Variants in ERC1 observed in about 807,000 individuals in gnomAD.
ERC1 encodes ELKS/RAB6-interacting/CAST family member 1.
In ERC1, 56 loss-of-function variants were observed where a neutral mutation model predicts 132.0. The observed-to-expected ratio is 0.42, with a 90% confidence interval of 0.34 to 0.53. The LOEUF is 0.53. Among genes scored for constraint, ERC1 ranks in the 20% least tolerant of loss-of-function variants. The probability of loss-of-function intolerance (pLI) is 0.03; values close to 1 mark genes in which losing one functional copy is unlikely to be tolerated. For missense variants in ERC1, 1,202 were observed against 1,349.9 expected, an observed-to-expected ratio of 0.89 and a Z score of 1.72; for synonymous variants, 478 against 476.1, an observed-to-expected ratio of 1.00 and a Z score of -0.05.
intron 2 of ERC1, among the ~76,000 whole-genome samples, chr12:1,057,925 G>A (rs370717893): frequency 9.9e-5 from 15 of 152,040 alleles, no homozygotes; most frequent in Admixed American, 4.6e-4. Context: ...TTTCTCAGGT[G>A]TGTAGGATTA....
At chr12:1,156,298 G>A (rs915811227) in intron 8 of ERC1, among the ~76,000 whole-genome samples, 4 of 151,822 alleles carry the variant, frequency 2.6e-5, no homozygotes, top group African/African-American at 9.7e-5. Flanking sequence ...GAGTGCAGTG[G>A]TGCAATCTTA....
At chr12:1,241,846 T>C (rs977857934) in intron 13 of ERC1, among the ~76,000 whole-genome samples, 10 of 123,616 alleles carry the variant, frequency 8.1e-5, no homozygotes, top group Non-Finnish European at 1.6e-4. Context: ...TTCTTCTTCT[T>C]CTTTTTTTTT....
chr12:1,027,230 A>C (rs1341533238), intron 1 of ERC1, among the ~76,000 whole-genome samples: 1 of 152,178 alleles, frequency 6.6e-6, no homozygotes, highest in Non-Finnish European at 1.5e-5. Flanking sequence ...ATTGATACTT[A>C]TATATTGATA....
chr12:1,394,614 A>T (rs536265684), intron 16 of ERC1, among the ~76,000 whole-genome samples: 2 of 152,170 alleles, frequency 1.3e-5, no homozygotes, highest in South Asian at 4.1e-4. Context: ...ATAGTGAGTG[A>T]GTTCTCTTGA....
At chr12:1,471,646 A>G (rs574827959) in intron 18 of ERC1, among the ~76,000 whole-genome samples, 4 of 152,174 alleles carry the variant, frequency 2.6e-5, no homozygotes, top group Non-Finnish European at 5.9e-5. Flanking sequence ...CACTGACCCA[A>G]TTCATTTGTC....
intron 2 of ERC1, among the ~76,000 whole-genome samples, chr12:1,036,546 T>C (rs1312026122): frequency 6.6e-6 from 1 of 152,076 alleles, no homozygotes; most frequent in Admixed American, 6.6e-5. Context: ...GGCTAATTTT[T>C]TGTATTTTTA....
chr12:1,184,098 T>G (rs1414698306), intron 11 of ERC1, among the ~76,000 whole-genome samples: 2 of 143,362 alleles, frequency 1.4e-5, no homozygotes, highest in Non-Finnish European at 3.0e-5. Context: ...ATCGTGCCAC[T>G]GCACTCCAGC....
At chr12:1,223,961 A>G (rs1236131765) in intron 12 of ERC1, among the ~76,000 whole-genome samples, 1 of 152,208 alleles carries the variant, frequency 6.6e-6, no homozygotes, top group Non-Finnish European at 1.5e-5. Context: ...TTGAGAATTT[A>G]GATTCAAATC....
intron 1 of ERC1, among the ~76,000 whole-genome samples, chr12:996,286 TAG>T (rs1960875640): frequency 7.1e-6 from 1 of 140,658 alleles, no homozygotes; most frequent in African/African-American, 2.7e-5. Flanking sequence ...GTATTTTTAG[TAG>T]AGACAGTGTT....
intron 1 of ERC1, among the ~76,000 whole-genome samples, chr12:1,000,543 GAACTT>G (rs1413154434): frequency 6.6e-6 from 1 of 151,078 alleles, no homozygotes; most frequent in Non-Finnish European, 1.5e-5. Flanking sequence ...AAATTTGTGT[GAACTT>G]AAATTAAGTG....
At chr12:991,192 T>C (rs1321258555), upstream of ERC1, 1 of 136,172 alleles carries the variant, frequency 7.3e-6, no homozygotes, top group African/African-American at 3.0e-5. Flanking sequence ...GGGCTAGGTG[T>C]CTCGCGCAGG....
chr12:1,198,897 C>T (rs1466570731), intron 12 of ERC1, among the ~76,000 whole-genome samples: 1 of 149,666 alleles, frequency 6.7e-6, no homozygotes, highest in Non-Finnish European at 1.5e-5. Flanking sequence ...CGTCATGATC[C>T]AGTCACTTCC....
At chr12:1,173,196 ATAT>A (rs1953273199) in intron 8 of ERC1, among the ~76,000 whole-genome samples, 1 of 152,206 alleles carries the variant, frequency 6.6e-6, no homozygotes, top group South Asian at 2.1e-4. Flanking sequence ...ACCATAGAAC[ATAT>A]TATTTATAGG....
At chr12:1,120,499 G>C (rs959153064) in intron 7 of ERC1, among the ~76,000 whole-genome samples, 1 of 152,120 alleles carries the variant, frequency 6.6e-6, no homozygotes, top group Non-Finnish European at 1.5e-5. Flanking sequence ...GGCACTTGAG[G>C]CTACTCTCAC....
intron 15 of ERC1, among the ~76,000 whole-genome samples, chr12:1,345,836 T>A (rs1372535785): frequency 6.6e-6 from 1 of 152,230 alleles, no homozygotes; most frequent in Non-Finnish European, 1.5e-5. Flanking sequence ...TTCACTTGAC[T>A]ATTTCAGGAA....
intron 12 of ERC1, among the ~76,000 whole-genome samples, chr12:1,218,845 C>T (rs1450436274): frequency 1.3e-5 from 2 of 150,504 alleles, no homozygotes; most frequent in East Asian, 1.9e-4. Flanking sequence ...CACACACACA[C>T]ACACACACAC....
chr12:1,347,743 G>A (rs1383636780), intron 15 of ERC1, among the ~76,000 whole-genome samples: 1 of 152,220 alleles, frequency 6.6e-6, no homozygotes, highest in Non-Finnish European at 1.5e-5. Flanking sequence ...CAGCACTTGG[G>A]AGACCGAGAC....
rs543205334 is a variant in ERC1 at position 1,116,728 on chromosome 12, G to T, written c.1569+695G>T. Among the ~76,000 whole-genome samples, 5 of 152,064 alleles carry T rather than the reference G, an allele frequency of 3.3e-5. No individual in the cohort carries two copies. The East Asian group carries it at 5.8e-4, about 18-fold the overall frequency. ...CTCCTGAGTAGCTGGGATTATAGGC[G>T]CATGCCACCAAGCCTGGCTAATTTT... On this transcript the variant is annotated intron_variant, in intron 7 of 18. Transcript: ENST00000360905.
At chr12:1,261,534 C>T (rs1314238611) in intron 13 of ERC1, among the ~76,000 whole-genome samples, 1 of 152,120 alleles carries the variant, frequency 6.6e-6, no homozygotes, top group African/African-American at 2.4e-5. Context: ...AAGAAACCAC[C>T]TTGGCCTTTG....
Sources: allele counts gnomAD v4.1 joint callset (sites outside exome capture counted in the v4.1 genomes callset), GRCh38; gene constraint gnomAD v4.1.1; transcripts MANE v1.5; gene names NCBI Gene and HGNC (gene_info 2026-07-23, HGNC 2026-07-21).